The following NECTIN3 variants were observed in gnomAD, a reference collection of about 807,000 sequenced individuals.
NECTIN3 encodes the protein nectin cell adhesion molecule 3, also known as nectin-3.
In NECTIN3, 8 loss-of-function variants were observed where a neutral mutation model predicts 49.4. The observed-to-expected ratio is 0.16, with a 90% CI of 0.10 to 0.29. The LOEUF (loss-of-function observed/expected upper bound fraction) is 0.29. Ranked by LOEUF, NECTIN3 falls within the 10% of genes least tolerant of loss-of-function variation. The pLI is 1.00. For synonymous variants in NECTIN3, 277 were observed against 241.1 expected (o/e 1.15, Z -1.38); for missense variants, 581 against 654.6 (o/e 0.89, Z 1.23).
At chr3:111,180,476 A>G (rs6437956) in intron 7 of NECTIN3, among the ~76,000 whole-genome samples, 6,975 of 152,290 alleles carry the variant, frequency 0.046, 540 homozygotes, top group African/African-American at 0.16. Context: ...TGATTAGTGT[A>G]CAATCTTTAT....
chr3:111,137,361 CAA>C lies in NECTIN3; in HGVS notation c.*3148_*3149del, dbSNP rs2034616498. 1.0e-6 allele frequency: 1 copy of C among 969,918 alleles called. No individual in the cohort carries two copies. The highest frequency in any genetic ancestry group is 1.8e-5 in the African/African-American group (1 of 56,652). 60.1% of individuals were successfully genotyped at this position (969,918 alleles called of 1,614,324 possible). On this transcript the variant is annotated 3_prime_UTR_variant, in exon 6 of 6. Transcript: ENST00000485303. The stretch of plus-strand genomic sequence containing the variant: ...CATCCTTCATAAACAGCTCCTTTCT[CAA>C]ATTTTTTGTATATTGTGTTTGTGTT...
chr3:111,166,337 C>T (rs563000403), intron 7 of NECTIN3, among the ~76,000 whole-genome samples: 1 of 151,588 alleles, frequency 6.6e-6, no homozygotes, highest in South Asian at 2.1e-4. Context: ...AACAACATAC[C>T]AGTGAACAAT....
Position 111,110,927 on chromosome 3 carries a change from G to GGAT in NECTIN3, c.161-1101_161-1099dup, listed in dbSNP as rs569587767. On this transcript the variant is annotated intron_variant, in intron 1 of 5. Coordinates refer to ENST00000485303, the MANE Select transcript of NECTIN3 (RefSeq NM_015480.3). ...CATAAAGTTTTTTTTTACCATATTT[G>GGAT]GATGTGTTTGAACATGTTTAAATGC... 3.4e-3 allele frequency among the ~76,000 whole-genome samples: 521 copies of GGAT among 151,852 alleles called. 5 individuals are homozygous for GGAT. Among genetic ancestry groups the GGAT allele is most frequent in the Middle Eastern group, 0.014 (4 of 294 alleles).
rs542657605 is a variant in NECTIN3 at position 111,118,638 on chromosome 3, A to G, written c.503-18A>G. The G allele has an allele frequency of 6.7e-7, 1 of 1,502,844 alleles. No individual in the cohort carries two copies. The highest frequency in any genetic ancestry group is 1.3e-5 in the South Asian group (1 of 76,428). 93.1% of individuals were successfully genotyped at this position (1,502,844 alleles called of 1,614,324 possible). Reference sequence around the variant, plus strand: ...TCTTGTTTGAATGTAACTAATTATTAAAAAAATATTTAAACAGTTGAACCC... The same window carrying G: ...TCTTGTTTGAATGTAACTAATTATTGAAAAAATATTTAAACAGTTGAACCC... On this transcript the variant is annotated intron_variant, in intron 2 of 5. Coordinates refer to ENST00000485303, the MANE Select transcript of NECTIN3 (RefSeq NM_015480.3).
intron 7 of NECTIN3, among the ~76,000 whole-genome samples, chr3:111,170,938 T>C (rs562347240): frequency 6.6e-6 from 1 of 152,344 alleles, no homozygotes; most frequent in African/African-American, 2.4e-5. Flanking sequence ...CAGGGTCATC[T>C]TTAATATACA....
intron 1 of NECTIN3, among the ~76,000 whole-genome samples, chr3:111,088,285 C>A (rs367714073): frequency 1.3e-5 from 2 of 152,162 alleles, no homozygotes; most frequent in East Asian, 1.9e-4. Context: ...TCTGTACAAC[C>A]CAGCTGTCCT....
chr3:111,073,349 T>A (rs2030937630), intron 1 of NECTIN3: 1 of 152,248 alleles, frequency 6.6e-6, no homozygotes, highest in African/African-American at 2.4e-5. Flanking sequence ...ACATGGTAGG[T>A]GAGTCAGGGT....
chr3:111,170,599 G>A (rs887595691), intron 7 of NECTIN3, among the ~76,000 whole-genome samples: 1 of 152,182 alleles, frequency 6.6e-6, no homozygotes, highest in African/African-American at 2.4e-5. Context: ...TATAGCAAAG[G>A]AGCAGAGTAG....
chr3:111,162,594 G>A (rs1417841101), intron 7 of NECTIN3, among the ~76,000 whole-genome samples: 1 of 152,110 alleles, frequency 6.6e-6, no homozygotes, highest in Non-Finnish European at 1.5e-5. Flanking sequence ...GTGTGAGAAT[G>A]GACTAATGCA....
At chr3:111,085,369 G>C (rs1209149047) in intron 1 of NECTIN3, among the ~76,000 whole-genome samples, 2 of 152,140 alleles carry the variant, frequency 1.3e-5, no homozygotes, top group Admixed American at 1.3e-4. Context: ...GAGGATGTGA[G>C]GTATGAGGTG....
chr3:111,141,569 A>G (rs1052326386), downstream of NECTIN3, among the ~76,000 whole-genome samples: 10 of 151,970 alleles, frequency 6.6e-5, no homozygotes, highest in African/African-American at 2.2e-4. Context: ...ATTTTTAAAC[A>G]TCTTCCCCAT....
At chr3:111,115,113 G>A (rs182419891) in intron 2 of NECTIN3, among the ~76,000 whole-genome samples, 75 of 152,270 alleles carry the variant, frequency 4.9e-4, no homozygotes, top group African/African-American at 1.7e-3. Context: ...TAAACACTAT[G>A]CCAGTAAATG....
At chr3:111,074,095 T>G (rs1017775124) in intron 1 of NECTIN3, 8 of 388,294 alleles carry the variant, frequency 2.1e-5, no homozygotes, top group South Asian at 1.5e-4. Flanking sequence ...TTTAAACAGC[T>G]TCCTTTTTTG....
intron 7 of NECTIN3, among the ~76,000 whole-genome samples, chr3:111,152,025 T>G (rs1330644582): frequency 6.6e-6 from 1 of 151,856 alleles, no homozygotes; most frequent in East Asian, 1.9e-4. Context: ...TACATATACC[T>G]TGTTACATAT....
chr3:111,152,402 T>C (rs963005994), intron 7 of NECTIN3, among the ~76,000 whole-genome samples: 2 of 151,926 alleles, frequency 1.3e-5, no homozygotes, highest in Admixed American at 6.6e-5. Flanking sequence ...ATAGTATGTA[T>C]ATGTATACCA....
intron 1 of NECTIN3, chr3:111,072,489 C>T (rs2030848356): frequency 6.5e-7 from 1 of 1,535,944 alleles, no homozygotes; most frequent in Non-Finnish European, 8.7e-7. Flanking sequence ...GTTACTTCCT[C>T]GCTCATTCTC....
At chr3:111,192,431 C>T (rs905794017) in intron 1 of NECTIN3, 43 of 1,526,008 alleles carry the variant, frequency 2.8e-5, no homozygotes, top group Middle Eastern at 1.7e-4. Context: ...ACTGTGTTGT[C>T]GGTATCAGCC....
intron 1 of NECTIN3, among the ~76,000 whole-genome samples, chr3:111,089,103 T>C (rs1225012806): frequency 6.6e-6 from 1 of 152,096 alleles, no homozygotes; most frequent in Non-Finnish European, 1.5e-5. Context: ...AATATTTTCT[T>C]ATCGTCTTTT....
At chr3:111,090,542 G>A (rs964260102) in intron 1 of NECTIN3, among the ~76,000 whole-genome samples, 4 of 138,250 alleles carry the variant, frequency 2.9e-5, no homozygotes, top group Non-Finnish European at 4.7e-5. Flanking sequence ...TCATTCTGCC[G>A]TTAGTGCTAG....
Sources: allele counts gnomAD v4.1 joint callset (sites outside exome capture counted in the v4.1 genomes callset), GRCh38; gene constraint gnomAD v4.1.1; transcripts MANE v1.5; gene names NCBI Gene and HGNC (gene_info 2026-07-23, HGNC 2026-07-21).